Variants in SETD2 observed in about 807,000 individuals in gnomAD.
SETD2 encodes the protein SET domain containing 2, histone lysine methyltransferase.
A neutral mutation model predicts 242.1 loss-of-function variants in SETD2; 31 were observed. The observed-to-expected ratio is 0.13, with a 90% CI of 0.10 to 0.17. The LOEUF is 0.17. SETD2 is among the 10% of genes least tolerant of loss of function. The pLI, the probability that SETD2 is intolerant of heterozygous loss-of-function variation, is 1.00. For synonymous variants in SETD2, 1,006 were observed against 1,066.5 expected, an observed-to-expected ratio of 0.94 and a Z score of 1.11; for missense variants, 2,481 against 3,046.3, an observed-to-expected ratio of 0.81 and a Z score of 4.37.
intron 1 of SETD2, among the ~76,000 whole-genome samples, chr3:47,134,277 T>TA (rs1329857388): frequency 1.3e-5 from 2 of 152,246 alleles, no homozygotes; most frequent in Non-Finnish European, 1.5e-5. Context: ...ACGAATGAGT[T>TA]AAAGTCATGC....
intron 1 of SETD2, among the ~76,000 whole-genome samples, chr3:47,127,162 C>T (rs2043353307): frequency 1.3e-5 from 2 of 151,622 alleles, no homozygotes; most frequent in Non-Finnish European, 2.9e-5. Context: ...ATTGAGACTA[C>T]ACTGGGCAAC....
At chr3:47,064,580 C>A in intron 13 of SETD2, 1 of 361,816 alleles carries the variant, frequency 2.8e-6, no homozygotes, top group Non-Finnish European at 5.9e-6. Flanking sequence ...TGACTCTGCA[C>A]CTTAGAATAT....
At chr3:47,143,002 A>C (rs2043768457) in intron 1 of SETD2, among the ~76,000 whole-genome samples, 1 of 152,096 alleles carries the variant, frequency 6.6e-6, no homozygotes, top group African/African-American at 2.4e-5. Context: ...TGGAAAAATG[A>C]AAGTTGGGGC....
chr3:47,129,452 T>G (rs554145138), intron 1 of SETD2, among the ~76,000 whole-genome samples: 1 of 152,352 alleles, frequency 6.6e-6, no homozygotes, highest in South Asian at 2.1e-4. Flanking sequence ...ACAGAGATCA[T>G]TGTTTTTCTT....
chr3:47,121,201 A>G lies in SETD2; in HGVS notation c.3435T>C (p.Phe1145=), dbSNP rs2043070270. The G allele has an allele frequency of 6.2e-7, 1 of 1,614,164 alleles. No homozygotes were observed. The highest frequency in any genetic ancestry group is 8.5e-7 in the Non-Finnish European group (1 of 1,180,004). Residue 1145 remains phenylalanine, a synonymous_variant, in exon 3 of 21, where the codon TTT becomes TTC. Transcript: ENST00000409792. The part of the protein sequence containing the change: ...KGTEKNPEIS[F]TQSSRKQIDN... ...CTATTTGTTTTCTACTGGACTGTGT[A>G]AAAGAAATTTCCGGATTCTTCTCTG... is the stretch of plus-strand genomic sequence containing the variant.
intron 18 of SETD2, among the ~76,000 whole-genome samples, chr3:47,023,028 G>C (rs575588211): frequency 6.6e-6 from 1 of 152,284 alleles, no homozygotes; most frequent in South Asian, 2.1e-4. Context: ...GGTATGGCTT[G>C]AGTTACAGAA....
intron 18 of SETD2, among the ~76,000 whole-genome samples, chr3:47,027,348 A>G (rs147469033): frequency 2.3e-5 from 1 of 43,424 alleles, no homozygotes; most frequent in African/African-American, 4.5e-5. Flanking sequence ...AAAAAAAAAA[A>G]AAAAAAAAAA....
In SETD2 at chr3:47,082,984, T is replaced by C. The variant is rs145202846; in HGVS notation, c.6060+736A>G. On this transcript the variant is annotated intron_variant, in intron 12 of 20. Coordinates refer to ENST00000409792, the MANE Select transcript of SETD2 (RefSeq NM_014159.7). ...AGTTAAGTAACCTGTTCCCACAGGG[T>C]CCTCAAGACGTGGATCCCAAGTCCA... is the stretch of plus-strand genomic sequence containing the variant. Among the ~76,000 whole-genome samples the C allele has an allele frequency of 7.0e-4, 106 of 152,306 alleles. 1 individual carries two copies. Among genetic ancestry groups the C allele is most frequent in the Non-Finnish European group, 4.6e-4 (31 of 68,022 alleles).
At chr3:47,082,974 TC>T (rs1575742908) in intron 12 of SETD2, among the ~76,000 whole-genome samples, 2 of 152,160 alleles carry the variant, frequency 1.3e-5, no homozygotes, top group East Asian at 3.9e-4. Flanking sequence ...AGTAACCTGT[TC>T]CCACAGGGTC....
chr3:47,106,906 A>G (rs2042450454), intron 5 of SETD2, among the ~76,000 whole-genome samples: 1 of 152,038 alleles, frequency 6.6e-6, no homozygotes, highest in Admixed American at 6.6e-5. Context: ...TAAAAATGTT[A>G]AAGATCAAAT....
At chr3:47,041,726 A>C (rs181349079) in intron 17 of SETD2, among the ~76,000 whole-genome samples, 4 of 152,300 alleles carry the variant, frequency 2.6e-5, no homozygotes, top group African/African-American at 9.6e-5. Flanking sequence ...AAAAACATTA[A>C]ATGAGTTATC....
chr3:47,059,087 G>T lies in SETD2; in HGVS notation c.6294-1597C>A, dbSNP rs1199259432. On this transcript the variant is annotated intron_variant, in intron 14 of 20. Transcript: ENST00000409792. Reference sequence around the variant, plus strand: ...ACCTCCCAAAGTGCTGGGATTACAGGTGTGAGCCACCACGCCTGGCCTTTT... The same window carrying T: ...ACCTCCCAAAGTGCTGGGATTACAGTTGTGAGCCACCACGCCTGGCCTTTT... Among the ~76,000 whole-genome samples, 4 of 149,820 alleles carry T rather than the reference G, an allele frequency of 2.7e-5. No homozygotes were observed. In the East Asian group the frequency reaches 7.8e-4, roughly 29 times the overall value.
At chr3:47,134,814 G>T (rs1196168260) in intron 1 of SETD2, among the ~76,000 whole-genome samples, 1 of 152,102 alleles carries the variant, frequency 6.6e-6, no homozygotes, top group African/African-American at 2.4e-5. Flanking sequence ...AGTAGAGACA[G>T]GGTTTCACCA....
At chr3:47,154,395 C>CTG (rs1347497786) in intron 1 of SETD2, among the ~76,000 whole-genome samples, 1 of 151,168 alleles carries the variant, frequency 6.6e-6, no homozygotes, top group Non-Finnish European at 1.5e-5. Context: ...GGCAAGAGAG[C>CTG]GAGACTCCAT....
intron 15 of SETD2, among the ~76,000 whole-genome samples, chr3:47,050,363 G>A (rs2107559947): frequency 6.6e-6 from 1 of 152,276 alleles, no homozygotes; most frequent in Admixed American, 6.5e-5. Flanking sequence ...CAGAAGGCCA[G>A]AAGAATTTTT....
intron 16 of SETD2, among the ~76,000 whole-genome samples, chr3:47,045,398 G>C (rs1297031711): frequency 1.3e-5 from 2 of 151,748 alleles, no homozygotes; most frequent in Non-Finnish European, 2.9e-5. Flanking sequence ...GGCGCCTGTA[G>C]TCCCAGCTAC....
At chr3:47,044,240 G>A (rs941955575) in intron 16 of SETD2, among the ~76,000 whole-genome samples, 1 of 150,688 alleles carries the variant, frequency 6.6e-6, no homozygotes, top group African/African-American at 2.4e-5. Context: ...CTACTCAGGA[G>A]GCTGAGGCAG....
At chr3:47,090,391 T>G (rs2041749593) in intron 9 of SETD2, among the ~76,000 whole-genome samples, 1 of 152,114 alleles carries the variant, frequency 6.6e-6, no homozygotes, top group Non-Finnish European at 1.5e-5. Context: ...TATTATTTTT[T>G]TATTTTTTAT....
At chr3:47,101,597 A>AGTGTGTGTGTGT (rs61571386) in intron 7 of SETD2, 42 bp from the exon 8 acceptor site, 24 of 734,012 alleles carry the variant, frequency 3.3e-5, no homozygotes, top group Admixed American at 2.1e-4. Context: ...GTAACTTATT[A>AGTGTGTGTGTGT]GTGTGTGTGT....
Sources: gnomAD v4.1 joint callset for allele counts (sites outside exome capture counted in the v4.1 genomes callset) on GRCh38, gnomAD v4.1.1 for gene constraint, MANE v1.5 for transcripts, NCBI Gene and HGNC (gene_info 2026-07-23, HGNC 2026-07-21) for gene names.